XPR1: variants seen among roughly 807,000 people sequenced by gnomAD.
The protein encoded by XPR1 is solute carrier family 53 member 1.
A neutral mutation model predicts 87.5 loss-of-function variants in XPR1; 28 were observed. The ratio of observed to expected loss-of-function variants is 0.32; its 90% confidence interval spans 0.24 to 0.44. XPR1 has a LOEUF of 0.44. Among genes scored for constraint, XPR1 ranks in the 20% least tolerant of loss-of-function variants. XPR1 has a pLI of 1.00. For missense variants in XPR1, 559 were observed against 862.3 expected (o/e 0.65, Z 4.41); for synonymous variants, 300 against 306.1 (o/e 0.98, Z 0.21).
intron 7 of XPR1, 45 bp downstream of exon 7, chr1:180,811,533 C>T (rs1650213351): frequency 1.3e-6 from 2 of 1,491,526 alleles, no homozygotes; most frequent in African/African-American, 1.4e-5. Flanking sequence ...ACCAATATGC[C>T]TGTGTCATAT....
intron 1 of XPR1, among the ~76,000 whole-genome samples, chr1:180,675,534 C>T (rs377248679): frequency 3.3e-5 from 5 of 152,076 alleles, no homozygotes; most frequent in East Asian, 1.9e-4. Context: ...ATTTTCCTTT[C>T]ACAATTATAA....
At chr1:180,698,524 A>T (rs547933666) in intron 2 of XPR1, among the ~76,000 whole-genome samples, 4 of 151,924 alleles carry the variant, frequency 2.6e-5, no homozygotes, top group African/African-American at 9.7e-5. Context: ...CTTGTTTATC[A>T]TGTGGTTTGG....
intron 2 of XPR1, among the ~76,000 whole-genome samples, chr1:180,746,664 C>T (rs960896934): frequency 8.6e-5 from 13 of 151,918 alleles, no homozygotes; most frequent in Non-Finnish European, 1.8e-4. Context: ...ATCTACTTTT[C>T]GTTCTTTGAG....
At chr1:180,742,629 T>C (rs1658958705) in intron 2 of XPR1, among the ~76,000 whole-genome samples, 1 of 152,154 alleles carries the variant, frequency 6.6e-6, no homozygotes, top group Non-Finnish European at 1.5e-5. Context: ...AAATTTTCTT[T>C]AAAGGTTAAT....
chr1:180,651,742 C>G (rs1655297832), intron 1 of XPR1, among the ~76,000 whole-genome samples: 3 of 151,904 alleles, frequency 2.0e-5, no homozygotes, highest in Admixed American at 2.0e-4. Flanking sequence ...GATCTGGGAC[C>G]CATGGATTAG....
intron 1 of XPR1, among the ~76,000 whole-genome samples, chr1:180,634,662 G>A (rs58826347): frequency 0.043 from 6,498 of 152,150 alleles, 492 homozygotes; most frequent in African/African-American, 0.15. Context: ...CACTGGTGGT[G>A]AAATTTTTGT....
intron 2 of XPR1, among the ~76,000 whole-genome samples, chr1:180,710,990 CGG>C: frequency 2.8e-5 from 4 of 143,648 alleles, no homozygotes; most frequent in African/African-American, 1.0e-4. Context: ...GGCTGCCGGG[CGG>C]AGGGGCTCCT....
chr1:180,873,525 G>T (rs1331893754), intron 12 of XPR1, among the ~76,000 whole-genome samples: 1 of 152,152 alleles, frequency 6.6e-6, no homozygotes, highest in Admixed American at 6.5e-5. Flanking sequence ...AGAAAGCCTG[G>T]TATACAGTAT....
At chr1:180,732,021 C>G (rs1033705781) in intron 2 of XPR1, among the ~76,000 whole-genome samples, 1 of 152,080 alleles carries the variant, frequency 6.6e-6, no homozygotes, top group African/African-American at 2.4e-5. Context: ...GGCAAAGCCC[C>G]GCCTCTACTA....
chr1:180,811,357 A>G (rs1183827951), intron 6 of XPR1, 50 bp from the exon 7 acceptor site: 51 of 1,419,020 alleles, frequency 3.6e-5, no homozygotes, highest in Non-Finnish European at 5.1e-5. Context: ...CATATAGTAA[A>G]TACAATCAGT....
intron 2 of XPR1, among the ~76,000 whole-genome samples, chr1:180,735,323 A>G (rs2102015921): frequency 6.6e-6 from 1 of 152,350 alleles, no homozygotes. Flanking sequence ...TTTTATAAGA[A>G]AGAAAATATT....
intron 1 of XPR1, among the ~76,000 whole-genome samples, chr1:180,645,900 C>T (rs1655104360): frequency 1.3e-5 from 2 of 152,194 alleles, no homozygotes; most frequent in African/African-American, 4.8e-5. Context: ...TCTGTCCATG[C>T]ATATACCAAC....
intron 1 of XPR1, among the ~76,000 whole-genome samples, chr1:180,658,009 C>G (rs1376367541): frequency 6.6e-6 from 1 of 152,038 alleles, no homozygotes; most frequent in Non-Finnish European, 1.5e-5. Context: ...TCTATCACTT[C>G]TTTGGTTAAT....
intron 2 of XPR1, among the ~76,000 whole-genome samples, chr1:180,751,134 C>T (rs1242105142): frequency 2.0e-5 from 3 of 151,992 alleles, no homozygotes; most frequent in Non-Finnish European, 2.9e-5. Context: ...AATTCACTTA[C>T]TCTAGAAGTG....
intron 1 of XPR1, among the ~76,000 whole-genome samples, chr1:180,672,880 T>TAA (rs1177983742): frequency 2.0e-5 from 3 of 152,190 alleles, no homozygotes; most frequent in Non-Finnish European, 4.4e-5. Context: ...TTGTGAAACA[T>TAA]TATTAACAGG....
chr1:180,636,780 G>A (rs1477432812), intron 1 of XPR1, among the ~76,000 whole-genome samples: 1 of 152,118 alleles, frequency 6.6e-6, no homozygotes. Flanking sequence ...GGCTGGACAC[G>A]GTGGCTCACG....
intron 3 of XPR1, among the ~76,000 whole-genome samples, chr1:180,790,706 A>AT (rs1288998373): frequency 6.6e-6 from 1 of 151,612 alleles, no homozygotes; most frequent in Non-Finnish European, 1.5e-5. Flanking sequence ...TGCCCAGCTA[A>AT]TTTTTTTTAT....
At chr1:180,868,447 C>A (rs1652451366) in intron 12 of XPR1, among the ~76,000 whole-genome samples, 1 of 22,548 alleles carries the variant, frequency 4.4e-5, no homozygotes, top group African/African-American at 2.3e-4. Context: ...TACCCATGAG[C>A]ATGGAATGTT....
In XPR1 at chr1:180,845,954, T is replaced by G. The variant is rs183826620; in HGVS notation, c.1501+9238T>G. ...AATTTGCTTAGTGTTGTATCCTTTT[T>G]TAGGTCTTAAGAAATATCAAGGGGG... On this transcript the variant is annotated intron_variant, in intron 11 of 14. Coordinates refer to ENST00000367590, the MANE Select transcript of XPR1 (RefSeq NM_004736.4). Among the ~76,000 whole-genome samples the G allele has an allele frequency of 3.9e-5, 6 of 152,294 alleles. No individual in the cohort carries two copies. In the East Asian group the frequency reaches 1.2e-3, roughly 29 times the overall value.
Sources: gnomAD v4.1 joint callset for allele counts (sites outside exome capture counted in the v4.1 genomes callset) on GRCh38, gnomAD v4.1.1 for gene constraint, MANE v1.5 for transcripts, NCBI Gene and HGNC (gene_info 2026-07-23, HGNC 2026-07-21) for gene names.